GRID2: variants seen among roughly 807,000 people sequenced by gnomAD.
GRID2 encodes glutamate ionotropic receptor delta type subunit 2.
GRID2 carries 33 observed loss-of-function variants against 114.8 expected under a neutral mutation model. The ratio of observed to expected loss-of-function variants is 0.29; its 90% CI spans 0.22 to 0.38. GRID2 has a LOEUF of 0.38. GRID2 is among the 10% of genes least tolerant of loss of function. The pLI is 1.00. For synonymous variants in GRID2, 505 were observed against 449.9 expected (o/e 1.12, Z -1.55); for missense variants, 1,184 against 1,257.7 (o/e 0.94, Z 0.89).
intron 2 of GRID2, among the ~76,000 whole-genome samples, chr4:92,788,558 A>G (rs904760528): frequency 2.0e-5 from 3 of 151,882 alleles, no homozygotes; most frequent in African/African-American, 7.2e-5. Context: ...TCTTTTTAGA[A>G]ATATGAAAGC....
intron 13 of GRID2, among the ~76,000 whole-genome samples, chr4:93,533,633 A>G (rs1249381200): frequency 2.1e-5 from 3 of 141,232 alleles, no homozygotes; most frequent in Non-Finnish European, 4.5e-5. Flanking sequence ...CAAGTGATCC[A>G]CCCACCTCGG....
At chr4:92,440,637 G>A (rs114238586) in intron 1 of GRID2, among the ~76,000 whole-genome samples, 17 of 150,786 alleles carry the variant, frequency 1.1e-4, no homozygotes, top group Admixed American at 6.6e-4. Flanking sequence ...TGGAGGTTCT[G>A]AGAGGCGGGC....
intron 2 of GRID2, among the ~76,000 whole-genome samples, chr4:92,988,826 T>G (rs921111469): frequency 7.2e-5 from 11 of 152,204 alleles, no homozygotes; most frequent in African/African-American, 2.7e-4. Context: ...TGGTGTGTTA[T>G]TCACTCTATT....
At chr4:92,633,622 TTCTGATTA>T (rs1214158882) in intron 2 of GRID2, among the ~76,000 whole-genome samples, 3 of 152,116 alleles carry the variant, frequency 2.0e-5, no homozygotes, top group Admixed American at 2.0e-4. Flanking sequence ...AGGTAAGGAT[TTCTGATTA>T]TCTCAGGTTT....
chr4:93,580,026 C>T (rs1219414734), intron 13 of GRID2, among the ~76,000 whole-genome samples: 1 of 152,182 alleles, frequency 6.6e-6, no homozygotes, highest in Non-Finnish European at 1.5e-5. Context: ...GAGTTTACAT[C>T]TCTGATATTT....
rs886155127 is a variant in GRID2 at position 93,451,772 on chromosome 4, A to T, written c.1546-3890A>T. 9.9e-5 allele frequency among the ~76,000 whole-genome samples: 15 copies of T among 152,254 alleles called. No individual in the cohort carries two copies. In the South Asian group the frequency reaches 1.9e-3, roughly 19 times the overall value. ...GATATTAGGATGCTCAGGAGGTAAA[A>T]TCAATAATGATAGATTTGATAGGGG... On this transcript the variant is annotated intron_variant, in intron 10 of 15. Coordinates refer to ENST00000282020, the MANE Select transcript of GRID2 (RefSeq NM_001510.4).
rs567566338 is a variant in GRID2, at chr4:92,848,179, A to T, written c.245-236816A>T. Among the ~76,000 whole-genome samples, 3 of 151,518 alleles carry T rather than the reference A, an allele frequency of 2.0e-5. No individual in the cohort carries two copies. The East Asian group carries it at 5.8e-4, about 29-fold the overall frequency. ...GAAATCAGTCTTTTTGGAAGTGTTC[A>T]CACCACAGAAATCAACAAACACAAT... is the stretch of plus-strand genomic sequence containing the variant. On this transcript the variant is annotated intron_variant, in intron 2 of 15. Coordinates refer to ENST00000282020, the MANE Select transcript of GRID2 (RefSeq NM_001510.4).
chr4:93,121,163 T>A, intron 4 of GRID2, among the ~76,000 whole-genome samples: 1 of 152,118 alleles, frequency 6.6e-6, no homozygotes, highest in East Asian at 1.9e-4. Context: ...CATTTTTTTC[T>A]AAAATAAATT....
chr4:92,757,351 A>T (rs747164200), intron 2 of GRID2, among the ~76,000 whole-genome samples: 1 of 152,068 alleles, frequency 6.6e-6, no homozygotes, highest in Non-Finnish European at 1.5e-5. Flanking sequence ...ATCTGTGATG[A>T]GGTAAAAAGG....
At chr4:93,375,951 T>G (rs1258310955) in intron 8 of GRID2, among the ~76,000 whole-genome samples, 1 of 152,038 alleles carries the variant, frequency 6.6e-6, no homozygotes. Context: ...TGGATTGGGT[T>G]TTCCCTGAGG....
At position 93,382,126 on chromosome 4, in the gene GRID2, T is replaced by A. The variant is rs373937720; in HGVS notation, c.1246-13481T>A. Among the ~76,000 whole-genome samples, 3 of 152,134 alleles carry A rather than the reference T, an allele frequency of 2.0e-5. No homozygotes were observed. The East Asian group carries it at 5.8e-4, about 29-fold the overall frequency. On this transcript the variant is annotated intron_variant, in intron 8 of 15. Transcript: ENST00000282020. ...GATAAGATATATGCTTATAATTTTA[T>A]CAAAAATCCCTTGTATGTGATTAAT...
chr4:92,530,842 G>C (rs904232241), intron 1 of GRID2, among the ~76,000 whole-genome samples: 1 of 151,966 alleles, frequency 6.6e-6, no homozygotes, highest in African/African-American at 2.4e-5. Flanking sequence ...GGGAGGTGGA[G>C]GTTTCAGTGA....
chr4:92,872,710 T>C (rs1196628506), intron 2 of GRID2, among the ~76,000 whole-genome samples: 1 of 152,222 alleles, frequency 6.6e-6, no homozygotes, highest in Non-Finnish European at 1.5e-5. Flanking sequence ...ACAGAAGCCA[T>C]GCCTGTGCCT....
At chr4:93,784,105 C>T (rs1578793733) in intron 1 of GRID2, among the ~76,000 whole-genome samples, 1 of 139,614 alleles carries the variant, frequency 7.2e-6, no homozygotes, top group Non-Finnish European at 1.5e-5. Context: ...AAAAACCAAC[C>T]CTTATTGAGT....
At chr4:92,511,946 A>C (rs1368416696) in intron 1 of GRID2, among the ~76,000 whole-genome samples, 1 of 151,710 alleles carries the variant, frequency 6.6e-6, no homozygotes, top group Non-Finnish European at 1.5e-5. Flanking sequence ...GAAGCTCTGT[A>C]CCCATTATAT....
chr4:92,826,731 A>G (rs1741730797), intron 2 of GRID2, among the ~76,000 whole-genome samples: 1 of 152,190 alleles, frequency 6.6e-6, no homozygotes, highest in South Asian at 2.1e-4. Context: ...AAATTAATTT[A>G]GTACTTTTGT....
intron 14 of GRID2, among the ~76,000 whole-genome samples, chr4:93,671,954 G>A (rs1056211448): frequency 2.0e-5 from 3 of 152,086 alleles, no homozygotes; most frequent in Non-Finnish European, 4.4e-5. Flanking sequence ...CAGCCTGGGT[G>A]ACAGAGCAAG....
intron 8 of GRID2, among the ~76,000 whole-genome samples, chr4:93,330,142 C>G (rs1018877089): frequency 6.6e-6 from 1 of 152,086 alleles, no homozygotes; most frequent in Non-Finnish European, 1.5e-5. Context: ...TTAAGAAGAA[C>G]AAACAAAAGT....
chr4:93,280,839 G>T (rs1243896943), intron 8 of GRID2, among the ~76,000 whole-genome samples: 1 of 151,746 alleles, frequency 6.6e-6, no homozygotes, highest in African/African-American at 2.4e-5. Context: ...GTGGTTTATT[G>T]GTCTGAGGAT....
Sources: allele counts gnomAD v4.1 joint callset (sites outside exome capture counted in the v4.1 genomes callset), GRCh38; gene constraint gnomAD v4.1.1; transcripts MANE v1.5; gene names NCBI Gene and HGNC (gene_info 2026-07-23, HGNC 2026-07-21).